The following HERC2 variants were observed in gnomAD, a reference collection of about 807,000 sequenced individuals.
The protein encoded by HERC2 is HECT and RLD domain containing E3 ubiquitin protein ligase 2, also known as E3 ubiquitin-protein ligase HERC2.
A neutral mutation model predicts 537.7 loss-of-function variants in HERC2; 102 were observed. That is an observed-to-expected ratio of 0.19 (90% CI 0.16 to 0.22). The LOEUF (loss-of-function observed/expected upper bound fraction) is 0.22, where lower values mean the gene tolerates loss of function less well. HERC2 is among the 10% of genes least tolerant of loss of function. HERC2 has a pLI of 1.00. For synonymous variants in HERC2, 2,224 were observed against 2,466.2 expected, an observed-to-expected ratio of 0.90 and a Z score of 2.91; for missense variants, 4,236 against 6,198.2, an observed-to-expected ratio of 0.68 and a Z score of 10.63.
At chr15:28,212,123 T>G (rs554986889) in intron 43 of HERC2, among the ~76,000 whole-genome samples, 91 of 152,274 alleles carry the variant, frequency 6.0e-4, no homozygotes, top group African/African-American at 1.1e-3. Context: ...ACAGGGTGAC[T>G]GGGCCACAGG....
At position 28,209,579 on chromosome 15, in the gene HERC2, G is replaced by A. The variant is rs143785979; in HGVS notation, c.7069+1423C>T. On this transcript the variant is annotated intron_variant, in intron 44 of 92. Coordinates refer to ENST00000261609, the MANE Select transcript of HERC2 (RefSeq NM_004667.6). ...AGGATGGTCTCGATCTCCTGACCTC[G>A]TGATCTGCCCGCCTTAGCCTCCCAA... is the stretch of plus-strand genomic sequence containing the variant. 6.8e-3 allele frequency among the ~76,000 whole-genome samples: 1,035 copies of A among 152,152 alleles called. 17 individuals are homozygous for A. The highest frequency in any genetic ancestry group is 0.024 in the African/African-American group (989 of 41,522).
chr15:28,292,555 C>T (rs1667390), intron 4 of HERC2, among the ~76,000 whole-genome samples: 98,435 of 152,052 alleles, frequency 0.65, 37,235 homozygotes, highest in Non-Finnish European at 0.86. Context: ...ATGGCTCACA[C>T]CTGAAATCTC....
At chr15:28,175,314 G>A (rs992228190) in intron 64 of HERC2, among the ~76,000 whole-genome samples, 198 bp downstream of exon 64, 14 of 152,004 alleles carry the variant, frequency 9.2e-5, no homozygotes, top group South Asian at 2.1e-4. Context: ...TGAGGACCCC[G>A]CCCCCAACCC....
chr15:28,148,628 G>A (rs1242290383), intron 70 of HERC2, among the ~76,000 whole-genome samples: 2 of 151,320 alleles, frequency 1.3e-5, no homozygotes, highest in Admixed American at 1.3e-4. Context: ...AAACACATGC[G>A]GCTGCTAACC....
At chr15:28,182,290 C>A in intron 57 of HERC2, 111 bp downstream of exon 57, 2 of 619,688 alleles carry the variant, frequency 3.2e-6, no homozygotes, top group Non-Finnish European at 5.6e-6. Flanking sequence ...TCTTTTAGTT[C>A]GTGTAAAGAA....
intron 85 of HERC2, 98 bp downstream of exon 85, chr15:28,123,939 T>C (rs1349992851): frequency 1.0e-6 from 1 of 958,170 alleles, no homozygotes; most frequent in Non-Finnish European, 1.5e-6. Flanking sequence ...CTGAATGAGC[T>C]GTATTCTATG....
In HERC2 at chr15:28,163,296, T is replaced by C. The variant is rs2142444765; in HGVS notation, c.10555-11A>G. 1.9e-6 allele frequency: 3 copies of C among 1,608,922 alleles called. No homozygotes were observed. The highest frequency in any genetic ancestry group is 2.2e-5 in the East Asian group (1 of 44,846). ...TTGGCTTTCAACATCCTAAGTCAAA[T>C]GACATCCAACAATTAACATGAGGAA... On this transcript the variant is annotated splice_polypyrimidine_tract_variant and intron_variant, in intron 68 of 92. Transcript: ENST00000261609.
chr15:28,162,112 T>C (rs575935064), intron 69 of HERC2, among the ~76,000 whole-genome samples: 2 of 152,216 alleles, frequency 1.3e-5, no homozygotes, highest in East Asian at 3.9e-4. Context: ...GGTAGATCAC[T>C]TGAGGTCAGC....
chr15:28,227,200 G>A (rs576915581), intron 35 of HERC2, among the ~76,000 whole-genome samples: 138 of 152,242 alleles, frequency 9.1e-4, no homozygotes, highest in Middle Eastern at 3.4e-3. Flanking sequence ...GCTTGAACCC[G>A]GGAGGCGGAG....
At chr15:28,168,754 TG>T (rs1894406890) in intron 66 of HERC2, among the ~76,000 whole-genome samples, 164 bp from the exon 67 acceptor site, 1 of 152,260 alleles carries the variant, frequency 6.6e-6, no homozygotes, top group Non-Finnish European at 1.5e-5. Flanking sequence ...ATGTATCCTT[TG>T]GCTAATAGCT....
rs769326690 is a variant in HERC2, at chr15:28,274,367, C to T, written c.724G>A (p.Asp242Asn). The change falls in exon 7 of 93, where the codon GAC becomes AAC. Residue 242 changes from aspartate to asparagine, a missense_variant. This residue lies in a region of HERC2 where 491 missense variants were observed against 559.3 expected (regional missense o/e 0.88). Transcript: ENST00000261609. Reference protein sequence around the residue: ...LRALPEASLFDESTVSSVWLE... With the variant: ...LRALPEASLFNESTVSSVWLE... The stretch of plus-strand genomic sequence containing the variant: ...CACACAGAGGACACGGTGCTCTCGT[C>T]AAAGAGCGAGGCCTCGGGAAGTGCT... 4 of 1,614,168 alleles carry T rather than the reference C, an allele frequency of 2.5e-6. No homozygotes were observed. Among genetic ancestry groups the T allele is most frequent in the Non-Finnish European group, 3.4e-6 (4 of 1,180,000 alleles).
In HERC2 at chr15:28,146,277, T is replaced by G. The variant is rs762985920; in HGVS notation, c.10968A>C (p.Thr3656=). 2.2e-5 allele frequency: 35 copies of G among 1,613,956 alleles called. No individual in the cohort carries two copies. Among genetic ancestry groups the G allele is most frequent in the Admixed American group, 5.0e-5 (3 of 59,996 alleles). Residue 3656 remains threonine (T), a synonymous_variant, in exon 71 of 93, where the codon ACA becomes ACC. Coordinates refer to ENST00000261609, the MANE Select transcript of HERC2 (RefSeq NM_004667.6). The stretch of plus-strand genomic sequence containing the variant: ...CGATCCTGTTGACGCCGTCCATGAC[T>G]GTGAGAGGGTCGTGGCGCCTCTCTG... ...CSTERRHDPL[T]VMDGVNRIVS...
chr15:28,115,643 CAG>C (rs1321414866), intron 88 of HERC2, 102 bp from the exon 89 acceptor site: 7 of 767,804 alleles, frequency 9.1e-6, no homozygotes, highest in East Asian at 8.0e-5. Flanking sequence ...ACTCAGGACT[CAG>C]AGCCTTCTGA....
In HERC2 at chr15:28,111,705, G is replaced by A. The variant is rs1302918804; in HGVS notation, c.*58C>T. On this transcript the variant is annotated 3_prime_UTR_variant, in exon 93 of 93. Transcript: ENST00000261609. ...CACCAGGCAGCCTACAGTCTACACA[G>A]CAGCGAGCGCTCTGCTGCCTGGCTC... is the stretch of plus-strand genomic sequence containing the variant. 2.0e-5 allele frequency: 32 copies of A among 1,570,500 alleles called. No homozygotes were observed. Among genetic ancestry groups the A allele is most frequent in the African/African-American group, 2.7e-5 (2 of 74,056 alleles).
intron 2 of HERC2, among the ~76,000 whole-genome samples, chr15:28,312,501 C>T (rs1196262337): frequency 2.0e-5 from 3 of 152,206 alleles, no homozygotes; most frequent in South Asian, 2.1e-4. Context: ...GTGCATGGCA[C>T]GTGCCTGTAA....
intron 4 of HERC2, among the ~76,000 whole-genome samples, chr15:28,283,964 A>G (rs1430137235): frequency 1.3e-5 from 2 of 152,208 alleles, no homozygotes; most frequent in Non-Finnish European, 2.9e-5. Context: ...ATAATGAGAT[A>G]TTTTGGGGAT....
chr15:28,173,634 A>T (rs1249209839), intron 65 of HERC2, among the ~76,000 whole-genome samples: 2 of 151,920 alleles, frequency 1.3e-5, no homozygotes, highest in South Asian at 4.2e-4. Flanking sequence ...CCCTCTCTCC[A>T]CCAAACAAAC....
Position 28,143,910 on chromosome 15 carries a change from C to T in HERC2, c.11381G>A (p.Arg3794Lys), listed in dbSNP as rs142880342. 2.1e-4 allele frequency: 345 copies of T among 1,614,114 alleles called. 1 individual carries two copies. In the African/African-American group the frequency reaches 4.1e-3, roughly 19 times the overall value. The change falls in exon 74 of 93, where the codon AGG becomes AAG. Residue 3794 changes from arginine (R) to lysine (K), a missense_variant. By Grantham distance (26) the Arg-to-Lys change is conservative. Around this residue, in one of 27 missense-constraint regions of HERC2, gnomAD observed 109 missense variants for 133.5 expected, o/e 0.82. Coordinates refer to ENST00000261609, the MANE Select transcript of HERC2 (RefSeq NM_004667.6). ...TEFGQSININ[R>K]LLGENDGETR... ...TTCCCCATCATTTTCTCCAAGCAGC[C>T]TATTTATGTTAATTGACTGCCCAAA...
chr15:28,294,330 C>G (rs1247541730), intron 3 of HERC2, among the ~76,000 whole-genome samples: 1 of 151,008 alleles, frequency 6.6e-6, no homozygotes. Flanking sequence ...ACTGAAGAAT[C>G]TGCACAAAGC....
Sources: allele counts gnomAD v4.1 joint callset (sites outside exome capture counted in the v4.1 genomes callset), GRCh38; gene constraint gnomAD v4.1.1; regional missense constraint gnomAD v4.1.1; transcripts MANE v1.5; gene names NCBI Gene and HGNC (gene_info 2026-07-23, HGNC 2026-07-21).